Variants in GALNT17 observed in about 807,000 individuals in gnomAD.
GALNT17 encodes UDP-GalNAc:polypeptide N-acetylgalactosaminyltransferase-like 3.
A neutral mutation model predicts 63.7 loss-of-function variants in GALNT17; 29 were observed. The ratio of observed to expected loss-of-function variants is 0.46; its 90% CI spans 0.34 to 0.62. GALNT17 has a LOEUF of 0.62. GALNT17 is among the 20% of genes least tolerant of loss of function. GALNT17 has a pLI of 0.01. For missense variants in GALNT17, 603 were observed against 799.6 expected, an observed-to-expected ratio of 0.75 and a Z score of 2.97; for synonymous variants, 305 against 318.3, an observed-to-expected ratio of 0.96 and a Z score of 0.45.
At chr7:71,342,400 T>TC (rs971767468) in intron 2 of GALNT17, among the ~76,000 whole-genome samples, 1 of 152,066 alleles carries the variant, frequency 6.6e-6, no homozygotes, top group African/African-American at 2.4e-5. Flanking sequence ...ACCCCCATGA[T>TC]CCAGACACCT....
intron 5 of GALNT17, among the ~76,000 whole-genome samples, chr7:71,434,611 T>C (rs1380036579): frequency 1.3e-5 from 2 of 152,220 alleles, no homozygotes; most frequent in Non-Finnish European, 1.5e-5. Flanking sequence ...AGAAATGGCC[T>C]GTTCACTTTT....
intron 6 of GALNT17, among the ~76,000 whole-genome samples, chr7:71,637,132 A>C (rs1476802429): frequency 6.6e-6 from 1 of 152,224 alleles, no homozygotes. Context: ...TAAAGTGCTG[A>C]AAACACAGTT....
At chr7:71,700,041 C>T (rs1791607179) in intron 9 of GALNT17, among the ~76,000 whole-genome samples, 1 of 152,100 alleles carries the variant, frequency 6.6e-6, no homozygotes, top group Non-Finnish European at 1.5e-5. Context: ...CCTGTAATCA[C>T]AGCAGTTTGG....
At chr7:71,452,147 A>G (rs1414622199) in intron 5 of GALNT17, among the ~76,000 whole-genome samples, 1 of 151,968 alleles carries the variant, frequency 6.6e-6, no homozygotes, top group African/African-American at 2.4e-5. Context: ...GGAGTCTGAG[A>G]TGGGAGGATC....
chr7:71,240,989 G>T (rs1007047392), intron 1 of GALNT17, among the ~76,000 whole-genome samples: 12 of 152,052 alleles, frequency 7.9e-5, no homozygotes, highest in African/African-American at 2.9e-4. Flanking sequence ...CACTGTTGAT[G>T]GGCACCTAGG....
intron 1 of GALNT17, 114 bp downstream of exon 1, chr7:71,133,154 C>A: frequency 1.1e-6 from 1 of 905,556 alleles, no homozygotes; most frequent in Non-Finnish European, 1.6e-6. Flanking sequence ...CACCCTGGCT[C>A]CCGCGCGCTC....
At position 71,151,898 on chromosome 7, in the gene GALNT17, AATC is replaced by A. The variant is rs774193846; in HGVS notation, c.238+18861_238+18863del. Among the ~76,000 whole-genome samples the A allele has an allele frequency of 3.0e-3, 458 of 152,328 alleles. 1 individual carries two copies. Among genetic ancestry groups the A allele is most frequent in the Non-Finnish European group, 4.9e-3 (336 of 68,040 alleles). On this transcript the variant is annotated intron_variant, in intron 1 of 10. Transcript: ENST00000333538. ...TAGTTTAAGCATTAGCAATTAAAAA[AATC>A]ATGATTTTTGCTGCCACCGAATTTT... is the stretch of plus-strand genomic sequence containing the variant.
intron 2 of GALNT17, among the ~76,000 whole-genome samples, chr7:71,363,800 A>G (rs1792451789): frequency 6.6e-6 from 1 of 152,216 alleles, no homozygotes; most frequent in South Asian, 2.1e-4. Flanking sequence ...AGCAAGGTAG[A>G]GAAGCAGCTT....
intron 1 of GALNT17, among the ~76,000 whole-genome samples, chr7:71,190,344 G>A (rs1788928998): frequency 6.6e-6 from 1 of 152,180 alleles, no homozygotes; most frequent in South Asian, 2.1e-4. Context: ...CTGATAGCAA[G>A]TGAGTTCTTG....
At chr7:71,374,778 AGGGGCT>A (rs1245034171) in intron 2 of GALNT17, among the ~76,000 whole-genome samples, 2 of 146,764 alleles carry the variant, frequency 1.4e-5, no homozygotes, top group African/African-American at 5.1e-5. Context: ...CTGGACCTGG[AGGGGCT>A]GGGGTATAGG....
At chr7:71,255,385 C>A (rs1790271329) in intron 1 of GALNT17, among the ~76,000 whole-genome samples, 1 of 152,198 alleles carries the variant, frequency 6.6e-6, no homozygotes, top group Non-Finnish European at 1.5e-5. Flanking sequence ...TCACCTTCCA[C>A]CATGATTGTG....
At chr7:71,152,665 T>C (rs879781085) in intron 1 of GALNT17, among the ~76,000 whole-genome samples, 1 of 152,044 alleles carries the variant, frequency 6.6e-6, no homozygotes, top group Admixed American at 6.6e-5. Flanking sequence ...AGAGTTTCGC[T>C]CTTGTTGCCC....
At chr7:71,529,691 T>A (rs1788682847) in intron 5 of GALNT17, among the ~76,000 whole-genome samples, 1 of 152,142 alleles carries the variant, frequency 6.6e-6, no homozygotes, top group Admixed American at 6.6e-5. Context: ...TTTCTTTGCA[T>A]AAAGGGATTG....
At chr7:71,382,308 G>A (rs1792861598) in intron 2 of GALNT17, among the ~76,000 whole-genome samples, 1 of 151,926 alleles carries the variant, frequency 6.6e-6, no homozygotes, top group Admixed American at 6.6e-5. Context: ...TGAACCCAGG[G>A]GGCGGAGGGT....
intron 6 of GALNT17, among the ~76,000 whole-genome samples, chr7:71,644,527 C>CAAAAAAA (rs58497593): frequency 2.1e-4 from 5 of 23,596 alleles, no homozygotes; most frequent in Non-Finnish European, 3.5e-4. Context: ...GACTCCATCT[C>CAAAAAAA]AAAAAAAAAA....
At chr7:71,143,828 C>G (rs751427537) in intron 1 of GALNT17, among the ~76,000 whole-genome samples, 1 of 151,678 alleles carries the variant, frequency 6.6e-6, no homozygotes, top group Non-Finnish European at 1.5e-5. Context: ...TCACTTGAGC[C>G]TGGGAGTTCG....
chr7:71,365,619 A>G (rs1379964576), intron 2 of GALNT17, among the ~76,000 whole-genome samples: 1 of 152,306 alleles, frequency 6.6e-6, no homozygotes, highest in East Asian at 1.9e-4. Context: ...AAATGTGCAG[A>G]TGTCTCCTAT....
chr7:71,487,775 G>C (rs1307165541), intron 5 of GALNT17, among the ~76,000 whole-genome samples: 1 of 152,178 alleles, frequency 6.6e-6, no homozygotes, highest in Non-Finnish European at 1.5e-5. Context: ...AGTGATAACA[G>C]GGTCAGGAAG....
intron 5 of GALNT17, among the ~76,000 whole-genome samples, chr7:71,473,639 TCTC>T (rs1245305021): frequency 6.6e-6 from 1 of 152,048 alleles, no homozygotes; most frequent in African/African-American, 2.4e-5. Flanking sequence ...CATCCTTTCT[TCTC>T]TTCATGGCCA....
Sources: gnomAD v4.1 joint callset for allele counts (sites outside exome capture counted in the v4.1 genomes callset) on GRCh38, gnomAD v4.1.1 for gene constraint, MANE v1.5 for transcripts, NCBI Gene and HGNC (gene_info 2026-07-23, HGNC 2026-07-21) for gene names.